The following GALNTL6 variants were observed in gnomAD, a reference collection of about 807,000 sequenced individuals.
GALNTL6 encodes polypeptide N-acetylgalactosaminyltransferase like 6, also known as polypeptide N-acetylgalactosaminyltransferase-like 6.
In GALNTL6, 46 loss-of-function variants were observed where a neutral mutation model predicts 73.7. The ratio of observed to expected loss-of-function variants is 0.62; its 90% CI spans 0.49 to 0.80. The LOEUF is 0.80. Ranked by LOEUF, GALNTL6 falls within the 30% of genes least tolerant of loss-of-function variation. The pLI is 0.00. For missense variants in GALNTL6, 604 were observed against 755.0 expected (o/e 0.80, Z 2.34); for synonymous variants, 259 against 263.7 (o/e 0.98, Z 0.17).
intron 2 of GALNTL6, among the ~76,000 whole-genome samples, chr4:171,900,310 T>C (rs1201803168): frequency 6.6e-6 from 1 of 152,030 alleles, no homozygotes. Flanking sequence ...GATATTTTAT[T>C]TATTTATTTA....
intron 5 of GALNTL6, among the ~76,000 whole-genome samples, chr4:172,385,055 T>G (rs1743416572): frequency 6.6e-6 from 1 of 151,460 alleles, no homozygotes; most frequent in South Asian, 2.1e-4. Context: ...CATTGGTTAT[T>G]TAGAAGTGTG....
chr4:172,132,858 T>C (rs1733538913), intron 2 of GALNTL6, among the ~76,000 whole-genome samples: 1 of 152,182 alleles, frequency 6.6e-6, no homozygotes, highest in South Asian at 2.1e-4. Context: ...AGTATCTTTT[T>C]TCCCCTAATC....
At chr4:172,446,673 T>A (rs1472395151) in intron 5 of GALNTL6, among the ~76,000 whole-genome samples, 1 of 152,128 alleles carries the variant, frequency 6.6e-6, no homozygotes, top group Non-Finnish European at 1.5e-5. Flanking sequence ...CCTCACCATA[T>A]GATGAAAACG....
intron 5 of GALNTL6, among the ~76,000 whole-genome samples, chr4:172,710,143 ATTG>A (rs1560896455): frequency 6.6e-6 from 1 of 152,180 alleles, no homozygotes; most frequent in Admixed American, 6.5e-5. Flanking sequence ...GACAATTTAT[ATTG>A]TTGGCAGGGT....
intron 12 of GALNTL6, among the ~76,000 whole-genome samples, chr4:173,024,616 C>T (rs1753156029): frequency 6.6e-6 from 1 of 152,176 alleles, no homozygotes. Flanking sequence ...GAGTTTTGCT[C>T]TTGTTGCCCA....
intron 5 of GALNTL6, among the ~76,000 whole-genome samples, chr4:172,498,721 C>T (rs1017140441): frequency 2.6e-5 from 4 of 152,104 alleles, no homozygotes; most frequent in Non-Finnish European, 5.9e-5. Context: ...GGAACTATAT[C>T]GACTGAGCTG....
At chr4:172,634,729 T>C (rs1324985652) in intron 5 of GALNTL6, among the ~76,000 whole-genome samples, 6 of 152,244 alleles carry the variant, frequency 3.9e-5, no homozygotes, top group Admixed American at 2.0e-4. Context: ...CAACATTTAT[T>C]GAATCCTGTT....
chr4:172,525,913 T>A (rs999237881), intron 5 of GALNTL6, among the ~76,000 whole-genome samples: 1 of 152,232 alleles, frequency 6.6e-6, no homozygotes, highest in Non-Finnish European at 1.5e-5. Flanking sequence ...TTACTGGTTA[T>A]ATAACCATGC....
At chr4:172,548,501 G>T (rs766546341) in intron 5 of GALNTL6, among the ~76,000 whole-genome samples, 1 of 152,090 alleles carries the variant, frequency 6.6e-6, no homozygotes, top group Non-Finnish European at 1.5e-5. Context: ...ATGGTATGTG[G>T]TTTAATTTTA....
At chr4:172,780,727 A>T (rs1313403860) in intron 5 of GALNTL6, among the ~76,000 whole-genome samples, 1 of 152,198 alleles carries the variant, frequency 6.6e-6, no homozygotes, top group Non-Finnish European at 1.5e-5. Flanking sequence ...TATTGTTTTA[A>T]TTCTCTGTCT....
chr4:172,754,858 A>T (rs567077779), intron 5 of GALNTL6, among the ~76,000 whole-genome samples: 2 of 145,950 alleles, frequency 1.4e-5, no homozygotes, highest in African/African-American at 4.9e-5. Flanking sequence ...AAAAAAAAAA[A>T]GAAAATGAAA....
intron 5 of GALNTL6, among the ~76,000 whole-genome samples, chr4:172,530,920 G>A (rs72997031): frequency 0.045 from 6,847 of 152,152 alleles, 484 homozygotes; most frequent in African/African-American, 0.15. Flanking sequence ...CAGTCTAGAC[G>A]TCTATAATTG....
intron 7 of GALNTL6, among the ~76,000 whole-genome samples, chr4:172,846,995 T>C (rs1743547437): frequency 6.6e-6 from 1 of 152,182 alleles, no homozygotes; most frequent in Admixed American, 6.5e-5. Flanking sequence ...TCTCTCTGCA[T>C]TGTTCCTGAC....
chr4:172,894,565 T>A (rs1057240348), intron 8 of GALNTL6, among the ~76,000 whole-genome samples: 4 of 152,182 alleles, frequency 2.6e-5, no homozygotes. Flanking sequence ...CAACATTTTT[T>A]AATTTGTTGA....
chr4:172,813,802 C>A, intron 7 of GALNTL6, 79 bp downstream of exon 7: 3 of 1,089,074 alleles, frequency 2.8e-6, no homozygotes, highest in Non-Finnish European at 3.9e-6. Flanking sequence ...CTCAAGAAGA[C>A]AATTATCTCT....
intron 8 of GALNTL6, among the ~76,000 whole-genome samples, chr4:172,883,677 C>A (rs1313186585): frequency 6.6e-6 from 1 of 152,192 alleles, no homozygotes; most frequent in Non-Finnish European, 1.5e-5. Flanking sequence ...TTGGAGGTGA[C>A]AAACAACCAA....
rs563570413 is a variant in GALNTL6, at chr4:172,648,947, T to C, written c.554-160414T>C. 2.1e-4 allele frequency among the ~76,000 whole-genome samples: 32 copies of C among 152,282 alleles called. No individual in the cohort carries two copies. In the South Asian group the frequency reaches 5.2e-3, roughly 25 times the overall value. ...TACCTCTGAAAAATCAGATTTGCATTTGACAACTACACTTAGTTCAGATGG... is the reference window on the plus strand; with the variant it reads ...TACCTCTGAAAAATCAGATTTGCATCTGACAACTACACTTAGTTCAGATGG... On this transcript the variant is annotated intron_variant, in intron 5 of 12. Transcript: ENST00000506823.
chr4:172,577,697 G>T (rs146334182), intron 5 of GALNTL6, among the ~76,000 whole-genome samples: 23 of 152,204 alleles, frequency 1.5e-4, no homozygotes, highest in African/African-American at 5.3e-4. Context: ...CTCAAGCAGA[G>T]GTAAGCACTG....
intron 2 of GALNTL6, among the ~76,000 whole-genome samples, chr4:172,047,807 A>G (rs1416584300): frequency 3.3e-5 from 5 of 152,126 alleles, no homozygotes; most frequent in Non-Finnish European, 7.4e-5. Context: ...AAAGTTTTCT[A>G]CAGTCATGAA....
Sources: gnomAD v4.1 joint callset for allele counts (sites outside exome capture counted in the v4.1 genomes callset) on GRCh38, gnomAD v4.1.1 for gene constraint, MANE v1.5 for transcripts, NCBI Gene and HGNC (gene_info 2026-07-23, HGNC 2026-07-21) for gene names.